Variants in PRELID2 observed in about 807,000 individuals in gnomAD.
PRELID2 encodes PRELI domain containing 2.
A neutral mutation model predicts 28.4 loss-of-function variants in PRELID2; 25 were observed. The ratio of observed to expected loss-of-function variants is 0.88; its 90% CI spans 0.64 to 1.23. The LOEUF (loss-of-function observed/expected upper bound fraction) is 1.23, where lower values mean the gene tolerates loss of function less well. Ranked by LOEUF, PRELID2 falls within the 50% of genes most tolerant of loss-of-function variation. The pLI is 0.00. For synonymous variants in PRELID2, 76 were observed against 71.6 expected, an observed-to-expected ratio of 1.06 and a Z score of -0.31; for missense variants, 201 against 214.4, an observed-to-expected ratio of 0.94 and a Z score of 0.39.
At chr5:145,415,891 C>T in the PRELID2 span, among the ~76,000 whole-genome samples, 1 of 151,932 alleles carries the variant, frequency 6.6e-6, no homozygotes, top group African/African-American at 2.4e-5. Context: ...CTTTACGGTC[C>T]CACCAACAGT....
At chr5:145,367,940 G>C in the PRELID2 span, among the ~76,000 whole-genome samples, 1 of 151,630 alleles carries the variant, frequency 6.6e-6, no homozygotes, top group Admixed American at 6.6e-5. Flanking sequence ...AACTTCTTTG[G>C]GTAAATAATA....
chr5:145,523,802 T>C (rs1363557), intron 1 of PRELID2, among the ~76,000 whole-genome samples: 104,944 of 152,072 alleles, frequency 0.69, 37,958 homozygotes, highest in East Asian at 1. Flanking sequence ...GGTGTCACTG[T>C]ATATTTTTAG....
intron 1 of PRELID2, among the ~76,000 whole-genome samples, chr5:145,636,875 T>C (rs779075968): frequency 1.3e-5 from 2 of 152,196 alleles, no homozygotes; most frequent in Non-Finnish European, 2.9e-5. Flanking sequence ...TTAAAGCAAA[T>C]AATTCCTCTG....
At chr5:145,742,118 A>T (rs1479298787) in intron 1 of PRELID2, among the ~76,000 whole-genome samples, 2 of 108,626 alleles carry the variant, frequency 1.8e-5, no homozygotes, top group Admixed American at 1.1e-4. Context: ...ATATAAATAA[A>T]ATTTATTAAT....
chr5:145,831,509 T>A (rs1755582950), intron 1 of PRELID2, among the ~76,000 whole-genome samples: 2 of 152,176 alleles, frequency 1.3e-5, no homozygotes, highest in African/African-American at 4.8e-5. Flanking sequence ...ATGATCAAGA[T>A]CCAGGTCTAC....
intron 1 of PRELID2, among the ~76,000 whole-genome samples, chr5:145,553,351 G>A (rs937305719): frequency 3.3e-5 from 5 of 150,280 alleles, no homozygotes; most frequent in South Asian, 4.1e-4. Context: ...CACCTGAGGC[G>A]GTTCAGTGTG....
At chr5:145,647,911 T>C (rs1306243725) in intron 1 of PRELID2, among the ~76,000 whole-genome samples, 1 of 152,104 alleles carries the variant, frequency 6.6e-6, no homozygotes, top group Non-Finnish European at 1.5e-5. Flanking sequence ...GGTACCTCAG[T>C]TGGAAATGCA....
intron 1 of PRELID2, among the ~76,000 whole-genome samples, chr5:145,681,817 T>A (rs1478258214): frequency 6.6e-6 from 1 of 152,178 alleles, no homozygotes; most frequent in South Asian, 2.1e-4. Flanking sequence ...AGAAAGTAAC[T>A]ACACTAAGTG....
intron 1 of PRELID2, among the ~76,000 whole-genome samples, chr5:145,592,599 A>G (rs1239635526): frequency 1.3e-5 from 2 of 152,192 alleles, no homozygotes; most frequent in East Asian, 1.9e-4. Context: ...ATGTATTTAC[A>G]TCATTGCTTA....
chr5:145,827,794 A>G (rs1755293532), intron 1 of PRELID2, among the ~76,000 whole-genome samples: 1 of 152,180 alleles, frequency 6.6e-6, no homozygotes, highest in African/African-American at 2.4e-5. Context: ...AGACTGAGGA[A>G]CCGTCCTACA....
At position 145,491,302 on chromosome 5, in the gene PRELID2, G is replaced by A. The variant is rs1752266568; in HGVS notation, n.71-17987C>T. Among the ~76,000 whole-genome samples, 5 of 152,220 alleles carry A rather than the reference G, an allele frequency of 3.3e-5. No individual in the cohort carries two copies. The South Asian group carries it at 1.0e-3, about 32-fold the overall frequency. On this transcript the variant is annotated intron_variant and non_coding_transcript_variant, in intron 1 of 2. Coordinates refer to the PRELID2 transcript ENST00000510259. Reference sequence around the variant, plus strand: ...TGTTCTGTCTCCACTCTCACATGGTGGAAGGGCCAAGGAGCTCCCTTGGGC... The same window carrying A: ...TGTTCTGTCTCCACTCTCACATGGTAGAAGGGCCAAGGAGCTCCCTTGGGC...
At chr5:145,777,371 A>G (rs1304070842) in intron 5 of PRELID2, among the ~76,000 whole-genome samples, 1 of 152,086 alleles carries the variant, frequency 6.6e-6, no homozygotes, top group East Asian at 1.9e-4. Context: ...TGCACCTAGC[A>G]TGAGAGGAAA....
At chr5:145,379,162 C>T in the PRELID2 span, among the ~76,000 whole-genome samples, 3 of 152,102 alleles carry the variant, frequency 2.0e-5, no homozygotes, top group African/African-American at 7.2e-5. Flanking sequence ...CAACTTTGTT[C>T]TCTGGTTTCT....
chr5:145,276,784 T>C, the PRELID2 span, among the ~76,000 whole-genome samples: 2 of 152,174 alleles, frequency 1.3e-5, no homozygotes, highest in African/African-American at 2.4e-5. Context: ...AATGCAATGA[T>C]AGAACTTTCA....
At chr5:145,532,318 CT>C (rs1752660686) in intron 1 of PRELID2, among the ~76,000 whole-genome samples, 1 of 151,738 alleles carries the variant, frequency 6.6e-6, no homozygotes. Flanking sequence ...ACTCTTTTTT[CT>C]TTTTTTCTCC....
At chr5:145,427,933 C>T in the PRELID2 span, among the ~76,000 whole-genome samples, 1 of 152,050 alleles carries the variant, frequency 6.6e-6, no homozygotes, top group African/African-American at 2.4e-5. Flanking sequence ...TCAAGTAAAT[C>T]TTGTATGAAA....
intron 1 of PRELID2, among the ~76,000 whole-genome samples, chr5:145,613,187 T>C (rs1384453006): frequency 1.3e-5 from 2 of 152,178 alleles, no homozygotes; most frequent in African/African-American, 4.8e-5. Flanking sequence ...AGGAGTGAGG[T>C]AGTATCGCAT....
At chr5:145,425,962 CCCT>C in the PRELID2 span, among the ~76,000 whole-genome samples, 1 of 151,800 alleles carries the variant, frequency 6.6e-6, no homozygotes, top group East Asian at 1.9e-4. Context: ...CCTGGGAGCC[CCCT>C]CATCATCATT....
At chr5:145,475,664 G>A (rs1390489041) in intron 1 of PRELID2, among the ~76,000 whole-genome samples, 2 of 152,146 alleles carry the variant, frequency 1.3e-5, no homozygotes, top group African/African-American at 2.4e-5. Flanking sequence ...ATAGAGTTTA[G>A]GAACAAGATT....
Sources: allele counts gnomAD v4.1 joint callset (sites outside exome capture counted in the v4.1 genomes callset), GRCh38; gene constraint gnomAD v4.1.1; transcripts MANE v1.5; gene names NCBI Gene and HGNC (gene_info 2026-07-23, HGNC 2026-07-21).